RHCE: variants seen among roughly 807,000 people sequenced by gnomAD.
RHCE encodes the protein Rh blood group CcEe antigens, also known as blood group Rh(CE) polypeptide.
In RHCE, 22 loss-of-function variants were observed where a neutral mutation model predicts 43.8. That is an observed-to-expected ratio of 0.50 (90% CI 0.36 to 0.72). RHCE has a LOEUF of 0.72. Ranked by LOEUF, RHCE falls within the 30% of genes least tolerant of loss-of-function variation. RHCE has a pLI of 0.00. For synonymous variants in RHCE, 156 were observed against 210.7 expected, an observed-to-expected ratio of 0.74 and a Z score of 2.25; for missense variants, 385 against 525.4, an observed-to-expected ratio of 0.73 and a Z score of 2.61.
At chr1:25,411,343 C>A in intron 1 of RHCE, 1 of 1,550,516 alleles carries the variant, frequency 6.4e-7, no homozygotes, top group Non-Finnish European at 8.7e-7. Flanking sequence ...AACTCACCTG[C>A]CACTGGTCTC....
At chr1:25,406,712 G>A (rs1251534285) in intron 2 of RHCE, among the ~76,000 whole-genome samples, 1 of 115,106 alleles carries the variant, frequency 8.7e-6, no homozygotes, top group African/African-American at 2.7e-5. Flanking sequence ...TGCAAACTCC[G>A]CCTCCAAGGT....
chr1:25,416,825 G>C (rs1193583031), intron 1 of RHCE, among the ~76,000 whole-genome samples: 1 of 148,614 alleles, frequency 6.7e-6, no homozygotes, highest in South Asian at 2.1e-4. Context: ...ATGGCGGGGG[G>C]GGGTCTCCCT....
At chr1:25,423,171 C>T (rs2042779894), upstream of RHCE, among the ~76,000 whole-genome samples, 1 of 152,182 alleles carries the variant, frequency 6.6e-6, no homozygotes, top group South Asian at 2.1e-4. Flanking sequence ...CCATTCCTCT[C>T]ACAATTGCCT....
chr1:25,397,533 G>A (rs1646590175), intron 3 of RHCE, among the ~76,000 whole-genome samples: 1 of 150,090 alleles, frequency 6.7e-6, no homozygotes, highest in Admixed American at 6.6e-5. Context: ...TTCCCTCCCA[G>A]ACCATTGTTC....
chr1:25,410,376 G>A (rs1269827208), intron 1 of RHCE, among the ~76,000 whole-genome samples: 1 of 152,042 alleles, frequency 6.6e-6, no homozygotes, highest in Non-Finnish European at 1.5e-5. Context: ...CTCTAACTTT[G>A]GGAGATGTTT....
chr1:25,411,300 C>A lies in RHCE; in HGVS notation c.149-2431G>T, dbSNP rs1184896392. ...GAACACTCAATAAATAGTGGCTGTT[C>A]ATCAACATCATCATGACAATCACAG... On this transcript the variant is annotated intron_variant, in intron 1 of 9. Transcript: ENST00000294413. 4.5e-6 allele frequency: 7 copies of A among 1,549,268 alleles called. No homozygotes were observed. The Admixed American group carries it at 1.4e-4, about 30-fold the overall frequency.
At chr1:25,421,121 T>A (rs1355216406), upstream of RHCE, among the ~76,000 whole-genome samples, 1 of 152,236 alleles carries the variant, frequency 6.6e-6, no homozygotes, top group Non-Finnish European at 1.5e-5. Flanking sequence ...ACTTCAGTCA[T>A]CTTCAGCATA....
At position 25,418,594 on chromosome 1, in the gene RHCE, CGCCCA is replaced by C. The variant is rs2042667010; in HGVS notation, c.148+2040_148+2044del. Among the ~76,000 whole-genome samples, 4 of 152,364 alleles carry C rather than the reference CGCCCA, an allele frequency of 2.6e-5. No individual in the cohort carries two copies. The South Asian group carries it at 8.3e-4, about 32-fold the overall frequency. On this transcript the variant is annotated intron_variant, in intron 1 of 9. Coordinates refer to ENST00000294413, the MANE Select transcript of RHCE (RefSeq NM_020485.8). ...CTGGGATTACAGGTGTCAGCTACCTCGCCCAGCCCCTTGCTTCTCTTTTTAGGCTA... is the reference window on the plus strand; with the variant it reads ...CTGGGATTACAGGTGTCAGCTACCTCGCCCCTTGCTTCTCTTTTTAGGCTA...
At chr1:25,376,718 T>G (rs531258931) in intron 7 of RHCE, among the ~76,000 whole-genome samples, 11 of 152,118 alleles carry the variant, frequency 7.2e-5, no homozygotes, top group African/African-American at 2.6e-4. Context: ...ATGGAGACCA[T>G]CCTGGCTAAC....
chr1:25,400,135 C>T (rs1443806849), intron 3 of RHCE, among the ~76,000 whole-genome samples: 2 of 152,114 alleles, frequency 1.3e-5, no homozygotes, highest in Admixed American at 6.5e-5. Context: ...CAGATTTTTC[C>T]TCTCTATCGG....
Position 25,390,809 on chromosome 1 carries a change from G to A in RHCE, c.741C>T (p.Val247=). ...AMFNTYYALA[V]SVVTAISGSS... is the part of the protein sequence containing the mutation. ...ACCCTGAGATGGCTGTCACCACACT[G>A]ACTGCTAGAGCATAGTAGGTGTTGA... Residue 247 remains valine (V), a synonymous_variant, in exon 5 of 10, where the codon GTC becomes GTT. Coordinates refer to ENST00000294413, the MANE Select transcript of RHCE (RefSeq NM_020485.8). 1.9e-6 allele frequency: 3 copies of A among 1,614,248 alleles called. No homozygotes were observed. The highest frequency in any genetic ancestry group is 2.5e-6 in the Non-Finnish European group (3 of 1,180,044).
intron 7 of RHCE, among the ~76,000 whole-genome samples, chr1:25,378,928 C>T (rs557569638): frequency 1.3e-5 from 2 of 152,230 alleles, no homozygotes; most frequent in Admixed American, 1.3e-4. Context: ...AAAAGTACAG[C>T]AATGCTTAAC....
chr1:25,388,898 T>G (rs1646266611), intron 6 of RHCE, 78 bp downstream of exon 6: 1 of 1,610,334 alleles, frequency 6.2e-7, no homozygotes, highest in Non-Finnish European at 8.5e-7. Flanking sequence ...AGCTGTGCAC[T>G]GCACAGTGGC....
chr1:25,379,387 T>C (rs1324346593), intron 7 of RHCE, among the ~76,000 whole-genome samples: 4 of 142,180 alleles, frequency 2.8e-5, no homozygotes, highest in Non-Finnish European at 4.5e-5. Flanking sequence ...AACCATAGCA[T>C]TCTGCCCCAG....
intron 1 of RHCE, among the ~76,000 whole-genome samples, chr1:25,429,213 C>T (rs1013403369): frequency 6.9e-6 from 1 of 144,932 alleles, no homozygotes; most frequent in African/African-American, 2.7e-5. Context: ...GCATCTACTT[C>T]CTGGGAAGTT....
upstream of RHCE, among the ~76,000 whole-genome samples, chr1:25,423,171 CACAAT>C (rs781091933): frequency 2.2e-4 from 34 of 152,182 alleles, no homozygotes; most frequent in Admixed American, 3.9e-4. Flanking sequence ...CCATTCCTCT[CACAAT>C]TGCCTCCTGG....
At position 25,362,435 on chromosome 1, in the gene RHCE, G is replaced by C; in HGVS notation, c.*92C>G. On this transcript the variant is annotated 3_prime_UTR_variant, in exon 10 of 10. Coordinates refer to ENST00000294413, the MANE Select transcript of RHCE (RefSeq NM_020485.8). Reference sequence around the variant, plus strand: ...TCATTATACATAAGGAGACTTTGCTGTCATGAGCGTTTCTCACGTACAAAT... The same window carrying C: ...TCATTATACATAAGGAGACTTTGCTCTCATGAGCGTTTCTCACGTACAAAT... 1 of 1,613,458 alleles carries C rather than the reference G, an allele frequency of 6.2e-7. No individual in the cohort carries two copies. The highest frequency in any genetic ancestry group is 8.5e-7 in the Non-Finnish European group (1 of 1,179,592).
intron 3 of RHCE, among the ~76,000 whole-genome samples, chr1:25,399,622 TAGAC>T (rs761212983): frequency 6.6e-6 from 1 of 152,184 alleles, no homozygotes; most frequent in African/African-American, 2.4e-5. Context: ...TGCAGAAAAT[TAGAC>T]AGTGTTTAAT....
intron 7 of RHCE, chr1:25,385,491 G>A (rs1390991523): frequency 2.9e-6 from 2 of 688,986 alleles, no homozygotes; most frequent in Non-Finnish European, 5.1e-6. Flanking sequence ...CTATACCTAG[G>A]TGGTCCTATT....
Sources: gnomAD v4.1 joint callset for allele counts (sites outside exome capture counted in the v4.1 genomes callset) on GRCh38, gnomAD v4.1.1 for gene constraint, MANE v1.5 for transcripts, NCBI Gene and HGNC (gene_info 2026-07-23, HGNC 2026-07-21) for gene names.